PRUNE2: variants seen among roughly 807,000 people sequenced by gnomAD.
The protein encoded by PRUNE2 is protein prune homolog 2.
A neutral mutation model predicts 252.0 loss-of-function variants in PRUNE2; 164 were observed. That is an observed-to-expected ratio of 0.65 (90% CI 0.57 to 0.74). The LOEUF is 0.74. PRUNE2 is among the 30% of genes least tolerant of loss of function. PRUNE2 has a pLI of 0.00. For missense variants in PRUNE2, 3,495 were observed against 3,711.0 expected (o/e 0.94, Z 1.51); for synonymous variants, 1,292 against 1,350.2 (o/e 0.96, Z 0.94).
At chr9:76,625,052 A>T (rs1834084751) in intron 16 of PRUNE2, 1 of 1,303,196 alleles carries the variant, frequency 7.7e-7, no homozygotes, top group Non-Finnish European at 1.0e-6. Flanking sequence ...ATCTCTCTTC[A>T]TCGTACCTTA....
At position 76,706,252 on chromosome 9, in the gene PRUNE2, T is replaced by A. The variant is rs769734929; in HGVS notation, c.6022A>T (p.Met2008Leu). Residue 2008 changes from methionine to leucine, a missense_variant, in exon 8 of 19, where the codon ATG (methionine) becomes TTG (leucine). Coordinates refer to ENST00000376718, the MANE Select transcript of PRUNE2 (RefSeq NM_015225.3). ...WEQEKSYLGE[M>L]TNSSIATENF... ...TCTGTGGCAATGCTTGAATTTGTCA[T>A]CTCACCTAGGTATGATTTTTCTTGT... 2.5e-6 allele frequency: 4 copies of A among 1,614,036 alleles called. No individual in the cohort carries two copies. Among genetic ancestry groups the A allele is most frequent in the Admixed American group, 1.7e-5 (1 of 60,018 alleles).
chr9:76,684,353 A>C (rs906879815), intron 9 of PRUNE2, among the ~76,000 whole-genome samples: 4 of 152,118 alleles, frequency 2.6e-5, no homozygotes, highest in African/African-American at 9.7e-5. Context: ...TTTGTCTCCC[A>C]GCACGGTTTC....
intron 6 of PRUNE2, chr9:76,784,201 T>C (rs749047237): frequency 2.0e-5 from 3 of 152,146 alleles, no homozygotes; most frequent in African/African-American, 4.8e-5. Context: ...GGAAGGACAT[T>C]AGAAAATGAA....
intron 15 of PRUNE2, among the ~76,000 whole-genome samples, chr9:76,632,861 T>C (rs1475940331): frequency 6.6e-6 from 1 of 152,242 alleles, no homozygotes; most frequent in African/African-American, 2.4e-5. Context: ...CTGATTTTTA[T>C]AGTCCCTGAG....
chr9:76,655,344 G>A (rs546518958), intron 10 of PRUNE2, 79 bp downstream of exon 10: 209 of 1,017,462 alleles, frequency 2.1e-4, no homozygotes, highest in Non-Finnish European at 2.9e-4. Flanking sequence ...AGATGCACAG[G>A]AAATAATTCT....
At position 76,757,766 on chromosome 9, in the gene PRUNE2, G is replaced by C. The variant is rs185684548; in HGVS notation, c.757-44045C>G. Among the ~76,000 whole-genome samples, 4 of 152,236 alleles carry C rather than the reference G, an allele frequency of 2.6e-5. 1 individual carries two copies. The highest frequency in any genetic ancestry group is 2.6e-4 in the Admixed American group (4 of 15,282). On this transcript the variant is annotated intron_variant, in intron 6 of 18. Coordinates refer to ENST00000376718, the MANE Select transcript of PRUNE2 (RefSeq NM_015225.3). ...ACTCGAGACCAGCCTGGGTAACATG[G>C]AGAAATCCCATCTCTACAAAAATTA...
chr9:76,824,326 T>C (rs192801359), intron 5 of PRUNE2, among the ~76,000 whole-genome samples: 1 of 152,136 alleles, frequency 6.6e-6, no homozygotes, highest in African/African-American at 2.4e-5. Context: ...AACATCACCA[T>C]GCAAACTAGT....
At chr9:76,769,496 CGT>C (rs2130906784) in intron 6 of PRUNE2, among the ~76,000 whole-genome samples, 2 of 42,542 alleles carry the variant, frequency 4.7e-5, no homozygotes, top group African/African-American at 2.2e-4. Context: ...AATCTCGGCT[CGT>C]CGTCGCAACC....
At chr9:76,690,887 T>A (rs762082080) in intron 9 of PRUNE2, among the ~76,000 whole-genome samples, 45 of 152,182 alleles carry the variant, frequency 3.0e-4, no homozygotes, top group Non-Finnish European at 3.7e-4. Flanking sequence ...CTAAAAATGT[T>A]TAATTTGCCC....
intron 4 of PRUNE2, among the ~76,000 whole-genome samples, chr9:76,831,582 T>C (rs944938935): frequency 1.3e-5 from 2 of 152,082 alleles, no homozygotes; most frequent in Non-Finnish European, 2.9e-5. Context: ...GTTCTAAGAT[T>C]GTCAGGGAAA....
chr9:76,614,611 A>G lies in PRUNE2; in HGVS notation c.9237-11T>C, dbSNP rs758080522. ...AGCTTCAAGTCAATACTGCAAAGAA[A>G]AGAAAAAGAGAGAGAAACATGAGAA... On this transcript the variant is annotated splice_polypyrimidine_tract_variant and intron_variant, in intron 18 of 18. Transcript: ENST00000376718. 3.1e-6 allele frequency: 5 copies of G among 1,608,456 alleles called. No homozygotes were observed. Among genetic ancestry groups the G allele is most frequent in the Middle Eastern group, 3.3e-4 (2 of 6,050 alleles).
chr9:76,749,887 C>A (rs575577152), intron 6 of PRUNE2, among the ~76,000 whole-genome samples: 3 of 152,166 alleles, frequency 2.0e-5, no homozygotes, highest in Non-Finnish European at 2.9e-5. Flanking sequence ...AGATCAGAAT[C>A]GCTTTCTGAT....
intron 9 of PRUNE2, among the ~76,000 whole-genome samples, chr9:76,670,686 A>G (rs1322529784): frequency 5.3e-5 from 8 of 152,178 alleles, no homozygotes; most frequent in Admixed American, 2.0e-4. Flanking sequence ...TGGTTCTCCC[A>G]GCACGCAGCT....
intron 6 of PRUNE2, among the ~76,000 whole-genome samples, chr9:76,779,437 T>C (rs527642953): frequency 2.0e-5 from 3 of 152,320 alleles, no homozygotes; most frequent in East Asian, 1.9e-4. Flanking sequence ...AAATAATCTA[T>C]AGTACATCTT....
rs749056293 is a variant in PRUNE2, at chr9:76,710,350, C to G, written c.1924G>C (p.Gly642Arg). Residue 642 changes from glycine (G) to arginine (R), a missense_variant, in exon 8 of 19, where the codon GGT (glycine) becomes CGT (arginine). By Grantham distance (125) the Gly-to-Arg change is moderately radical (BLOSUM62 -2). Transcript: ENST00000376718. ...EDMTQKATDT[G>R]HMGPPQTHAR... ...TGGGTCTGAGGTGGCCCCATGTGAC[C>G]TGTGTCAGTTGCTTTTTGGGTCATA... 1 of 1,614,020 alleles carries G rather than the reference C, an allele frequency of 6.2e-7. No homozygotes were observed. Among genetic ancestry groups the G allele is most frequent in the Non-Finnish European group, 8.5e-7 (1 of 1,179,898 alleles).
chr9:76,709,581 TC>T lies in PRUNE2; in HGVS notation c.2692del (p.Glu898LysfsTer6). 6.2e-7 allele frequency: 1 copy of T among 1,613,998 alleles called. No homozygotes were observed. Among genetic ancestry groups the T allele is most frequent in the Non-Finnish European group, 8.5e-7 (1 of 1,179,898 alleles). On this transcript the variant is annotated frameshift_variant, in exon 8 of 19. Coordinates refer to ENST00000376718, the MANE Select transcript of PRUNE2 (RefSeq NM_015225.3). LOFTEE classifies it high-confidence loss of function. Reference protein sequence around the residue: ...HTWTNSKPPKEDQNGLVDPKT... With the variant: ...HTWTNSKPPKXDQNGLVDPKT... ...AGGATCCACTAAACCATTCTGATCTTCTTTTGGTGGCTTAGAATTAGTCCAT... is the reference window on the plus strand; with the variant it reads ...AGGATCCACTAAACCATTCTGATCTTTTTTGGTGGCTTAGAATTAGTCCAT...
chr9:76,885,311 T>C (rs953859730), intron 1 of PRUNE2, among the ~76,000 whole-genome samples: 3 of 152,172 alleles, frequency 2.0e-5, no homozygotes, highest in African/African-American at 7.2e-5. Flanking sequence ...TTTTATAAGA[T>C]GACATAATGC....
chr9:76,774,297 A>C (rs2053445663), intron 6 of PRUNE2, among the ~76,000 whole-genome samples: 2 of 151,516 alleles, frequency 1.3e-5, no homozygotes, highest in Admixed American at 6.6e-5. Flanking sequence ...CACCATGCCC[A>C]GTTAATTTTT....
intron 11 of PRUNE2, among the ~76,000 whole-genome samples, chr9:76,649,820 T>C (rs796383952): frequency 6.6e-5 from 10 of 152,288 alleles, no homozygotes; most frequent in African/African-American, 2.4e-4. Flanking sequence ...TCACAAATTT[T>C]CCATAAGCAA....
Sources: allele counts gnomAD v4.1 joint callset (sites outside exome capture counted in the v4.1 genomes callset), GRCh38; gene constraint gnomAD v4.1.1; transcripts MANE v1.5; gene names NCBI Gene and HGNC (gene_info 2026-07-23, HGNC 2026-07-21).